IQCM: variants seen among roughly 807,000 people sequenced by gnomAD.
IQCM encodes the protein IQ motif containing M.
IQCM carries 45 observed loss-of-function variants against 57.6 expected under a neutral mutation model. The observed-to-expected ratio is 0.78, with a 90% confidence interval of 0.62 to 1.00. The LOEUF is 1.00. Among genes scored for constraint, IQCM ranks in the 50% least tolerant of loss-of-function variants. The pLI, the probability that IQCM is intolerant of heterozygous loss-of-function variation, is 0.00. For missense variants in IQCM, 468 were observed against 511.6 expected (o/e 0.91, Z 0.82); for synonymous variants, 148 against 158.9 (o/e 0.93, Z 0.51).
chr4:149,466,257 A>C (rs1293047397), intron 12 of IQCM, among the ~76,000 whole-genome samples: 3 of 152,170 alleles, frequency 2.0e-5, no homozygotes, highest in Non-Finnish European at 4.4e-5. Context: ...AGTACACTGA[A>C]TATATCATAG....
intron 2 of IQCM, among the ~76,000 whole-genome samples, chr4:149,757,806 C>T (rs1000246701): frequency 4.6e-5 from 7 of 151,708 alleles, no homozygotes; most frequent in African/African-American, 1.2e-4. Context: ...CTTAAGCACA[C>T]GTGGGGCATT....
chr4:149,365,317 C>A (rs933548317), intron 13 of IQCM, among the ~76,000 whole-genome samples: 8 of 151,896 alleles, frequency 5.3e-5, no homozygotes, highest in African/African-American at 1.9e-4. Flanking sequence ...AATTGAGCAA[C>A]AACAATAACA....
chr4:149,703,700 C>T (rs1483963699), intron 5 of IQCM, among the ~76,000 whole-genome samples: 2 of 151,840 alleles, frequency 1.3e-5, no homozygotes, highest in African/African-American at 4.8e-5. Context: ...GTATCTTATA[C>T]AGAATAAGAA....
At chr4:149,426,413 T>C (rs1734463416) in intron 13 of IQCM, among the ~76,000 whole-genome samples, 1 of 152,010 alleles carries the variant, frequency 6.6e-6, no homozygotes, top group South Asian at 2.1e-4. Context: ...ACCTACATGC[T>C]TTCTATACTA....
intron 12 of IQCM, among the ~76,000 whole-genome samples, chr4:149,474,226 G>T (rs928132298): frequency 1.5e-4 from 22 of 151,672 alleles, no homozygotes; most frequent in African/African-American, 5.1e-4. Context: ...AAGGAATAGG[G>T]CATACAGAGA....
intron 11 of IQCM, among the ~76,000 whole-genome samples, chr4:149,551,876 CCT>C (rs34352840): frequency 4.0e-5 from 6 of 150,498 alleles, no homozygotes; most frequent in Admixed American, 1.3e-4. Context: ...TCTATCACTG[CCT>C]CTCTCTCTCT....
chr4:149,557,191 G>A (rs1271958675), intron 10 of IQCM, among the ~76,000 whole-genome samples: 1 of 152,000 alleles, frequency 6.6e-6, no homozygotes, highest in Admixed American at 6.5e-5. Flanking sequence ...ATCTAGCCTT[G>A]GCTTTCGGCA....
In IQCM at chr4:149,584,289, T is replaced by C. The variant is rs571779552; in HGVS notation, c.749+3641A>G. 1.3e-3 allele frequency among the ~76,000 whole-genome samples: 202 copies of C among 151,562 alleles called. 1 individual carries two copies. Among genetic ancestry groups the C allele is most frequent in the Non-Finnish European group, 2.5e-3 (168 of 67,694 alleles). On this transcript the variant is annotated intron_variant, in intron 9 of 13. Coordinates refer to ENST00000636793, the MANE Select transcript of IQCM (RefSeq NM_001363507.2). ...ATTTCTAACAACTTTCAGAAACTTA[T>C]GGAGTTCTAACAATTTGAAAATGTG...
chr4:149,613,668 A>G (rs1429087162), intron 8 of IQCM, among the ~76,000 whole-genome samples: 1 of 151,958 alleles, frequency 6.6e-6, no homozygotes, highest in African/African-American at 2.4e-5. Flanking sequence ...TGCTGCACCC[A>G]TTAACTCGTC....
chr4:149,464,204 G>C (rs994904596), intron 12 of IQCM, among the ~76,000 whole-genome samples: 1 of 152,148 alleles, frequency 6.6e-6, no homozygotes, highest in African/African-American at 2.4e-5. Flanking sequence ...CTCTACGTAA[G>C]GGTTGTGCTG....
chr4:149,623,261 T>C (rs1756505690), intron 7 of IQCM, among the ~76,000 whole-genome samples: 1 of 152,202 alleles, frequency 6.6e-6, no homozygotes, highest in Non-Finnish European at 1.5e-5. Context: ...ATTATCTTCT[T>C]GATCATTGAA....
chr4:149,675,878 C>G (rs1250216639), intron 7 of IQCM, among the ~76,000 whole-genome samples: 1 of 151,986 alleles, frequency 6.6e-6, no homozygotes, highest in Non-Finnish European at 1.5e-5. Flanking sequence ...AACTTTTTAT[C>G]TCTTTGAGGG....
At chr4:149,591,445 G>A (rs1368380145) in intron 8 of IQCM, among the ~76,000 whole-genome samples, 1 of 151,110 alleles carries the variant, frequency 6.6e-6, no homozygotes, top group Non-Finnish European at 1.5e-5. Context: ...ACATCCAAAT[G>A]TGGTTAAAGG....
At chr4:149,558,836 G>T (rs529894434) in intron 10 of IQCM, among the ~76,000 whole-genome samples, 4 of 152,048 alleles carry the variant, frequency 2.6e-5, no homozygotes, top group Non-Finnish European at 5.9e-5. Flanking sequence ...TTTCTATATG[G>T]CCCAATTCCC....
intron 5 of IQCM, among the ~76,000 whole-genome samples, chr4:149,704,859 A>G (rs1240350000): frequency 6.6e-6 from 1 of 152,024 alleles, no homozygotes; most frequent in East Asian, 1.9e-4. Flanking sequence ...CAGTCCATCA[A>G]GTAGTCAAAT....
At chr4:149,499,942 T>C (rs1055716965) in intron 12 of IQCM, among the ~76,000 whole-genome samples, 34 of 152,324 alleles carry the variant, frequency 2.2e-4, no homozygotes, top group African/African-American at 7.7e-4. Flanking sequence ...GACCCTTCCT[T>C]GCTCAACAAC....
chr4:149,793,431 C>G (rs932733736), intron 2 of IQCM, among the ~76,000 whole-genome samples: 1 of 152,090 alleles, frequency 6.6e-6, no homozygotes, highest in African/African-American at 2.4e-5. Context: ...CTAATTGCAC[C>G]AGCTTCTGAC....
At chr4:149,743,772 C>A in intron 2 of IQCM, among the ~76,000 whole-genome samples, 1 of 152,182 alleles carries the variant, frequency 6.6e-6, no homozygotes, top group East Asian at 1.9e-4. Context: ...CTGAGCCCTT[C>A]TACATTTGAC....
chr4:149,661,716 T>G (rs1426185352), intron 7 of IQCM, among the ~76,000 whole-genome samples: 1 of 152,154 alleles, frequency 6.6e-6, no homozygotes, highest in Non-Finnish European at 1.5e-5. Context: ...ATGTTTCTTC[T>G]ATATTATCAA....
Sources: gnomAD v4.1 joint callset for allele counts (sites outside exome capture counted in the v4.1 genomes callset) on GRCh38, gnomAD v4.1.1 for gene constraint, MANE v1.5 for transcripts, NCBI Gene and HGNC (gene_info 2026-07-23, HGNC 2026-07-21) for gene names.